The following AKAP13 variants were observed in gnomAD, a reference collection of about 807,000 sequenced individuals.
AKAP13 encodes A-kinase anchoring protein 13.
Under a neutral mutation model 264.5 loss-of-function variants are expected in AKAP13, and 80 were observed. The observed-to-expected ratio is 0.30, with a 90% confidence interval of 0.25 to 0.36. AKAP13 has a LOEUF of 0.36. AKAP13 is among the 10% of genes least tolerant of loss of function. The pLI, the probability that AKAP13 is intolerant of heterozygous loss-of-function variation, is 1.00. For synonymous variants in AKAP13, 1,380 were observed against 1,250.2 expected (o/e 1.10, Z -2.19); for missense variants, 3,712 against 3,435.2 (o/e 1.08, Z -2.01).
intron 8 of AKAP13, among the ~76,000 whole-genome samples, chr15:85,608,017 AT>A (rs563767463): frequency 6.6e-6 from 1 of 152,148 alleles, no homozygotes; most frequent in Non-Finnish European, 1.5e-5. Context: ...GTACCTCTGC[AT>A]TTTTTGGAGC....
intron 17 of AKAP13, chr15:85,702,569 G>C (rs1274532630): frequency 6.6e-6 from 1 of 152,214 alleles, no homozygotes. Flanking sequence ...TTAGGAGACA[G>C]TGGCTTCCCA....
At chr15:85,660,214 G>A (rs1454714515) in intron 12 of AKAP13, among the ~76,000 whole-genome samples, 1 of 152,006 alleles carries the variant, frequency 6.6e-6, no homozygotes, top group Non-Finnish European at 1.5e-5. Context: ...TTAGCTAGGT[G>A]TGGTGGCATG....
chr15:85,544,671 A>G (rs977165584), intron 5 of AKAP13, among the ~76,000 whole-genome samples: 4 of 152,352 alleles, frequency 2.6e-5, no homozygotes, highest in Non-Finnish European at 4.4e-5. Flanking sequence ...AGAGCAGCCA[A>G]AAGTTTTTAT....
chr15:85,698,547 T>C (rs1203580176), intron 17 of AKAP13, among the ~76,000 whole-genome samples: 1 of 151,726 alleles, frequency 6.6e-6, no homozygotes, highest in East Asian at 1.9e-4. Context: ...ACCAATGGTA[T>C]GTTAGGCTTT....
chr15:85,487,518 G>A (rs1408906510), intron 2 of AKAP13, among the ~76,000 whole-genome samples: 3 of 152,046 alleles, frequency 2.0e-5, no homozygotes, highest in African/African-American at 7.2e-5. Context: ...GGCCATGTAG[G>A]TTTTTTTCCT....
intron 1 of AKAP13, chr15:85,382,245 G>C (rs558105966): frequency 6.6e-6 from 1 of 152,200 alleles, no homozygotes; most frequent in Non-Finnish European, 1.5e-5. Flanking sequence ...AAAAATTTGA[G>C]AAATACTGTG....
intron 1 of AKAP13, chr15:85,415,527 G>A: frequency 6.6e-7 from 1 of 1,504,438 alleles, no homozygotes; most frequent in Non-Finnish European, 9.2e-7. Flanking sequence ...TCAGGAGTGG[G>A]ATGGGAAGGA....
intron 6 of AKAP13, among the ~76,000 whole-genome samples, chr15:85,575,779 G>C (rs2078990186): frequency 6.6e-6 from 1 of 152,110 alleles, no homozygotes; most frequent in African/African-American, 2.4e-5. Flanking sequence ...TGGATCACTT[G>C]AGCTCAGGAG....
At chr15:85,494,029 T>C (rs144583889) in intron 2 of AKAP13, among the ~76,000 whole-genome samples, 164 of 152,334 alleles carry the variant, frequency 1.1e-3, no homozygotes, top group African/African-American at 3.8e-3. Flanking sequence ...TACCCCATTT[T>C]AGGAAAATCC....
intron 1 of AKAP13, among the ~76,000 whole-genome samples, chr15:85,439,801 C>A (rs1019806300): frequency 8.3e-6 from 1 of 120,316 alleles, no homozygotes; most frequent in African/African-American, 3.3e-5. Flanking sequence ...AGGGGAATAT[C>A]ACACTCTGGG....
chr15:85,528,385 G>A (rs1483388403), intron 3 of AKAP13, among the ~76,000 whole-genome samples: 1 of 152,182 alleles, frequency 6.6e-6, no homozygotes, highest in Non-Finnish European at 1.5e-5. Flanking sequence ...GTTGGGCCAT[G>A]CTGGAGAAGC....
At chr15:85,541,316 TAGAA>T (rs922823926) in intron 4 of AKAP13, among the ~76,000 whole-genome samples, 8 of 152,254 alleles carry the variant, frequency 5.3e-5, no homozygotes, top group East Asian at 3.9e-4. Context: ...GATGGGGAAA[TAGAA>T]GGAAGAATCG....
intron 8 of AKAP13, among the ~76,000 whole-genome samples, chr15:85,588,957 C>T (rs564498298): frequency 1.3e-5 from 2 of 152,276 alleles, no homozygotes; most frequent in African/African-American, 2.4e-5. Context: ...TGTTTGCTTC[C>T]ACCGTGTAGA....
chr15:85,437,273 G>T (rs1421829785), intron 1 of AKAP13, among the ~76,000 whole-genome samples: 1 of 150,762 alleles, frequency 6.6e-6, no homozygotes, highest in African/African-American at 2.4e-5. Context: ...AAACCAGGAA[G>T]AAGTTGAATC....
At chr15:85,444,949 G>T (rs565837906) in intron 1 of AKAP13, among the ~76,000 whole-genome samples, 1 of 152,160 alleles carries the variant, frequency 6.6e-6, no homozygotes, top group East Asian at 1.9e-4. Flanking sequence ...GAATTAAGGC[G>T]GAAAGAAGTT....
intron 8 of AKAP13, among the ~76,000 whole-genome samples, chr15:85,602,842 T>C (rs1036851747): frequency 3.3e-5 from 5 of 152,194 alleles, no homozygotes; most frequent in Admixed American, 6.5e-5. Flanking sequence ...AATCCTACAT[T>C]GGTCATTTGG....
intron 17 of AKAP13, among the ~76,000 whole-genome samples, chr15:85,700,045 A>G (rs868260805): frequency 2.6e-5 from 4 of 152,218 alleles, no homozygotes; most frequent in Admixed American, 6.5e-5. Context: ...AGTTCAGGCT[A>G]AAAGAAGTTG....
intron 17 of AKAP13, among the ~76,000 whole-genome samples, chr15:85,706,491 G>A (rs74346567): frequency 0.06 from 9,177 of 152,186 alleles, 288 homozygotes; most frequent in African/African-American, 0.079. Flanking sequence ...ATGAGGAAAC[G>A]GAGGCCTGTC....
chr15:85,455,586 T>A (rs2074254727), intron 1 of AKAP13, among the ~76,000 whole-genome samples: 1 of 152,208 alleles, frequency 6.6e-6, no homozygotes, highest in African/African-American at 2.4e-5. Context: ...GCATAGGTTT[T>A]ACTCAAATTC....
Sources: allele counts gnomAD v4.1 joint callset (sites outside exome capture counted in the v4.1 genomes callset), GRCh38; gene constraint gnomAD v4.1.1; transcripts MANE v1.5; gene names NCBI Gene and HGNC (gene_info 2026-07-23, HGNC 2026-07-21).